C4orf51: variants seen among roughly 807,000 people sequenced by gnomAD.
C4orf51 encodes the protein uncharacterized protein C4orf51.
In C4orf51, 25 loss-of-function variants were observed where a neutral mutation model predicts 25.2. The ratio of observed to expected loss-of-function variants is 0.99; its 90% CI spans 0.72 to 1.39. The LOEUF is 1.39. Ranked by LOEUF, C4orf51 falls within the 40% of genes most tolerant of loss-of-function variation. The pLI, the probability that C4orf51 is intolerant of heterozygous loss-of-function variation, is 0.00. For synonymous variants in C4orf51, 100 were observed against 84.5 expected, an observed-to-expected ratio of 1.18 and a Z score of -1.01; for missense variants, 252 against 239.6, an observed-to-expected ratio of 1.05 and a Z score of -0.34.
rs1291554313 is a variant in C4orf51, at chr4:145,704,456, T to A, written c.307+7824T>A. Among the ~76,000 whole-genome samples the A allele has an allele frequency of 2.0e-5, 3 of 152,198 alleles. No individual in the cohort carries two copies. In the East Asian group the frequency reaches 5.8e-4, roughly 29 times the overall value. The stretch of plus-strand genomic sequence containing the variant: ...TATGTCAAAGAAATATATTTTTGGA[T>A]AAAATATTTTAATTTCCTTCACTAT... On this transcript the variant is annotated intron_variant, in intron 2 of 5. Coordinates refer to ENST00000438731, the MANE Select transcript of C4orf51 (RefSeq NM_001080531.3).
At chr4:145,779,656 C>T in the C4orf51 span, 1 of 1,178,964 alleles carries the variant, frequency 8.5e-7, no homozygotes, top group Non-Finnish European at 1.2e-6. Context: ...GGTTTTCCTG[C>T]TCATTTCCTG....
At chr4:145,754,947 A>G (rs2126816574), downstream of C4orf51, among the ~76,000 whole-genome samples, 1 of 152,236 alleles carries the variant, frequency 6.6e-6, no homozygotes, top group South Asian at 2.1e-4. Flanking sequence ...AAGAAAGAAA[A>G]AAGAAGAGAA....
chr4:145,735,848 T>C (rs1732776752), downstream of C4orf51, among the ~76,000 whole-genome samples: 1 of 152,224 alleles, frequency 6.6e-6, no homozygotes, highest in Non-Finnish European at 1.5e-5. Context: ...GGACGATGAC[T>C]TCATAAATAT....
At chr4:145,744,530 A>G (rs1044993231) in intron 1 of C4orf51, among the ~76,000 whole-genome samples, 1 of 152,144 alleles carries the variant, frequency 6.6e-6, no homozygotes, top group Admixed American at 6.6e-5. Flanking sequence ...CCATAAAGAG[A>G]TGGGACCTTG....
intron 4 of C4orf51, 65 bp downstream of exon 4, chr4:145,729,294 GTGAT>G: frequency 2.5e-6 from 1 of 392,508 alleles, no homozygotes; most frequent in Non-Finnish European, 4.1e-6. Context: ...TCGTGGTCAT[GTGAT>G]TTTTTTTTTT....
chr4:145,741,709 T>G (rs1733110135), intron 1 of C4orf51, among the ~76,000 whole-genome samples: 1 of 152,142 alleles, frequency 6.6e-6, no homozygotes, highest in African/African-American at 2.4e-5. Context: ...TCTTTTTTAT[T>G]TTTTTAAAGA....
downstream of C4orf51, among the ~76,000 whole-genome samples, chr4:145,734,123 A>G (rs542359833): frequency 4.6e-5 from 7 of 152,298 alleles, no homozygotes; most frequent in South Asian, 1.5e-3. Flanking sequence ...GACCAGCAAC[A>G]TTGGTATGGT....
chr4:145,784,829 G>C, the C4orf51 span, among the ~76,000 whole-genome samples: 1 of 151,916 alleles, frequency 6.6e-6, no homozygotes, highest in African/African-American at 2.4e-5. Context: ...ATTTCTTTTT[G>C]AAATACTTGT....
the C4orf51 span, among the ~76,000 whole-genome samples, chr4:145,789,982 T>C: frequency 6.6e-6 from 1 of 152,212 alleles, no homozygotes; most frequent in Non-Finnish European, 1.5e-5. Context: ...CTGCTGCATA[T>C]GAAAAATCTG....
chr4:145,777,918 G>A, the C4orf51 span, among the ~76,000 whole-genome samples: 46 of 151,446 alleles, frequency 3.0e-4, no homozygotes, highest in Non-Finnish European at 6.2e-4. Flanking sequence ...CTTTTTCTTT[G>A]GTCCAATTAG....
At chr4:145,751,034 G>A (rs4361409) in intron 1 of C4orf51, among the ~76,000 whole-genome samples, 28,969 of 151,844 alleles carry the variant, frequency 0.19, 3,737 homozygotes, top group East Asian at 0.67. Flanking sequence ...ACAGAATTCT[G>A]ATTTCCTTCT....
chr4:145,736,148 C>T (rs1560858364), downstream of C4orf51, among the ~76,000 whole-genome samples: 2 of 151,896 alleles, frequency 1.3e-5, no homozygotes, highest in African/African-American at 4.8e-5. Flanking sequence ...TGAACACGTG[C>T]TGTAGAAGGA....
chr4:145,762,338 G>A lies in C4orf51; in HGVS notation n.167-8650G>A, dbSNP rs1354920570. On this transcript the variant is annotated intron_variant and non_coding_transcript_variant, in intron 1 of 1. Transcript: ENST00000510096. The surrounding 1 kb of genome is among the most constrained non-coding windows in gnomAD (Gnocchi z 4.9). ...GGCCCATCTGCTAATGAGGAAGGGAGGAGGGAGGGAGACAACTGCTATCTG... is the reference window on the plus strand; with the variant it reads ...GGCCCATCTGCTAATGAGGAAGGGAAGAGGGAGGGAGACAACTGCTATCTG... Among the ~76,000 whole-genome samples, 1 of 152,194 alleles carries A rather than the reference G, an allele frequency of 6.6e-6. No homozygotes were observed. The highest frequency in any genetic ancestry group is 1.5e-5 in the Non-Finnish European group (1 of 68,042).
chr4:145,689,810 C>A (rs998937228), intron 1 of C4orf51, among the ~76,000 whole-genome samples: 1 of 152,088 alleles, frequency 6.6e-6, no homozygotes, highest in African/African-American at 2.4e-5. Context: ...AACTGGCTAA[C>A]CATATGCAGA....
At chr4:145,749,966 A>T (rs1486166449) in intron 1 of C4orf51, among the ~76,000 whole-genome samples, 1 of 152,168 alleles carries the variant, frequency 6.6e-6, no homozygotes, top group East Asian at 1.9e-4. Flanking sequence ...TAACAACTTA[A>T]CACTGTTAGC....
In C4orf51 at chr4:145,763,194, G is replaced by T; in HGVS notation, n.167-7794G>T. The T allele has an allele frequency of 1.4e-6, 2 of 1,463,146 alleles. No homozygotes were observed. Among genetic ancestry groups the T allele is most frequent in the Non-Finnish European group, 1.8e-6 (2 of 1,089,976 alleles). The allele number at this position is 1,463,146 out of a possible 1,614,324, so 90.6% of individuals were successfully genotyped here. On this transcript the variant is annotated intron_variant and non_coding_transcript_variant, in intron 1 of 1. Coordinates refer to the C4orf51 transcript ENST00000510096. The surrounding 1 kb of genome is among the most constrained non-coding windows in gnomAD (Gnocchi z 4.6). ...ATGAACAGGATATAGAGTACAAGCA[G>T]TTCCATCACAGAAAAGCAATTTAGA...
At chr4:145,739,691 ATTAT>A (rs1174559310) in intron 1 of C4orf51, among the ~76,000 whole-genome samples, 1 of 152,202 alleles carries the variant, frequency 6.6e-6, no homozygotes, top group African/African-American at 2.4e-5. Flanking sequence ...GGAGATTTGA[ATTAT>A]TTGAGAGCTT....
chr4:145,729,174 T>C lies in C4orf51; in HGVS notation c.372T>C (p.His124=). The C allele has an allele frequency of 6.2e-7, 1 of 1,602,824 alleles. No individual in the cohort carries two copies. Residue 124 remains histidine, a synonymous_variant, in exon 4 of 6, where the codon CAT becomes CAC. Coordinates refer to ENST00000438731, the MANE Select transcript of C4orf51 (RefSeq NM_001080531.3). The part of the protein sequence containing the change: ...KSFDVKHGVA[H]QIWDFGDCFP... The stretch of plus-strand genomic sequence containing the variant: ...TCTATCTCTCCTTTTTATAGGCACA[T>C]CAAATTTGGGATTTTGGTGATTGTT...
downstream of C4orf51, among the ~76,000 whole-genome samples, chr4:145,773,154 T>C (rs908369157): frequency 1.3e-5 from 2 of 152,324 alleles, no homozygotes; most frequent in African/African-American, 4.8e-5. Flanking sequence ...GGAAAAGAGT[T>C]TGGCCTTTTC....
Sources: allele counts gnomAD v4.1 joint callset (sites outside exome capture counted in the v4.1 genomes callset), GRCh38; gene constraint gnomAD v4.1.1; non-coding constraint Gnocchi (gnomAD v3.1); transcripts MANE v1.5; gene names NCBI Gene and HGNC (gene_info 2026-07-23, HGNC 2026-07-21).